BTRC: variants seen among roughly 807,000 people sequenced by gnomAD.
BTRC encodes beta-transducin repeat containing E3 ubiquitin protein ligase, also known as F-box/WD repeat-containing protein 1A.
Under a neutral mutation model 85.5 loss-of-function variants are expected in BTRC, and 42 were observed. The ratio of observed to expected loss-of-function variants is 0.49; its 90% CI spans 0.38 to 0.64. BTRC has a LOEUF of 0.64. BTRC is among the 30% of genes least tolerant of loss of function. BTRC has a pLI of 0.00. For synonymous variants in BTRC, 255 were observed against 263.3 expected (o/e 0.97, Z 0.30); for missense variants, 594 against 743.5 (o/e 0.80, Z 2.34).
intron 1 of BTRC, among the ~76,000 whole-genome samples, chr10:101,401,722 T>C (rs1943495489): frequency 6.6e-6 from 1 of 151,482 alleles, no homozygotes; most frequent in Admixed American, 6.6e-5. Context: ...CGTGTAATCC[T>C]GGCACTTTCT....
chr10:101,481,316 C>A (rs1379237670), intron 4 of BTRC, among the ~76,000 whole-genome samples: 1 of 151,082 alleles, frequency 6.6e-6, no homozygotes, highest in Non-Finnish European at 1.5e-5. Flanking sequence ...TAAAAATATT[C>A]TTTCTTTCTT....
intron 3 of BTRC, among the ~76,000 whole-genome samples, chr10:101,466,375 G>A (rs987897301): frequency 6.6e-6 from 1 of 152,136 alleles, no homozygotes; most frequent in African/African-American, 2.4e-5. Flanking sequence ...CTGGAACCCT[G>A]GGGATGCAAA....
intron 2 of BTRC, among the ~76,000 whole-genome samples, chr10:101,459,755 T>C (rs1945173816): frequency 6.6e-6 from 1 of 152,186 alleles, no homozygotes; most frequent in Non-Finnish European, 1.5e-5. Context: ...GACATTTTCA[T>C]AATACCCACC....
intron 1 of BTRC, among the ~76,000 whole-genome samples, chr10:101,414,338 A>G (rs1371743068): frequency 6.6e-6 from 1 of 152,228 alleles, no homozygotes; most frequent in Admixed American, 6.5e-5. Flanking sequence ...AGCCAATGTA[A>G]CGTCATATAA....
At position 101,531,277 on chromosome 10, in the gene BTRC, G is replaced by C. The variant is rs1191111549; in HGVS notation, c.784G>C (p.Ala262Pro). The C allele has an allele frequency of 1.9e-6, 3 of 1,610,612 alleles. No homozygotes were observed. The highest frequency in any genetic ancestry group is 2.5e-6 in the Non-Finnish European group (3 of 1,176,974). The change falls in exon 7 of 15, where the codon GCT becomes CCT. Residue 262 changes from alanine (A) to proline (P), a missense_variant. Physicochemically the swap from Ala to Pro is conservative, Grantham distance 27. Around this residue, in one of 4 missense-constraint regions of BTRC, gnomAD observed 373 missense variants for 503.6 expected, o/e 0.74. Transcript: ENST00000370187. The part of the protein sequence containing the change: ...LFKNKPPDGN[A>P]PPNSFYRALY... The stretch of plus-strand genomic sequence containing the variant: ...CAAAAACAAACCTCCTGACGGGAAT[G>C]CTCCTCCCAACTCTTTTTATAGAGC...
chr10:101,497,660 C>A (rs1047042532), intron 4 of BTRC, among the ~76,000 whole-genome samples: 4 of 152,140 alleles, frequency 2.6e-5, no homozygotes, highest in African/African-American at 9.7e-5. Flanking sequence ...GAACCGTGAT[C>A]ATGCCACTGC....
chr10:101,360,757 C>T (rs1942183400), intron 1 of BTRC, among the ~76,000 whole-genome samples: 1 of 152,100 alleles, frequency 6.6e-6, no homozygotes, highest in Admixed American at 6.6e-5. Context: ...TCGGCCTCTC[C>T]AGTAGCTGGG....
intron 4 of BTRC, among the ~76,000 whole-genome samples, chr10:101,512,786 C>T (rs1008974251): frequency 1.3e-5 from 2 of 152,194 alleles, no homozygotes; most frequent in Non-Finnish European, 2.9e-5. Flanking sequence ...ATACTTAACT[C>T]CTTTCATTTT....
intron 3 of BTRC, among the ~76,000 whole-genome samples, chr10:101,467,045 C>T (rs189081056): frequency 1.2e-4 from 18 of 152,140 alleles, no homozygotes; most frequent in Non-Finnish European, 2.4e-4. Flanking sequence ...AACAAAACAA[C>T]CACAACAACA....
At chr10:101,484,378 C>T (rs924344942) in intron 4 of BTRC, among the ~76,000 whole-genome samples, 3 of 152,232 alleles carry the variant, frequency 2.0e-5, no homozygotes, top group Non-Finnish European at 4.4e-5. Context: ...AGTCCCTTTT[C>T]TCATAACTGA....
intron 2 of BTRC, among the ~76,000 whole-genome samples, chr10:101,460,983 A>T (rs979110648): frequency 1.3e-5 from 2 of 151,182 alleles, no homozygotes; most frequent in East Asian, 3.9e-4. Flanking sequence ...GCTCACTGCA[A>T]CCTCGGCCTC....
chr10:101,476,839 T>C (rs1945702353), intron 3 of BTRC, among the ~76,000 whole-genome samples: 1 of 152,202 alleles, frequency 6.6e-6, no homozygotes, highest in Non-Finnish European at 1.5e-5. Context: ...TGTCTTAAGA[T>C]TTTTCTTCTT....
At chr10:101,439,669 G>A (rs562232414) in intron 2 of BTRC, among the ~76,000 whole-genome samples, 16 of 152,350 alleles carry the variant, frequency 1.1e-4, no homozygotes, top group African/African-American at 3.6e-4. Flanking sequence ...AAAAGGGACA[G>A]TGTTAAAGAG....
chr10:101,461,222 T>C lies in BTRC; in HGVS notation c.157-759T>C, dbSNP rs117342345. 3.3e-5 allele frequency among the ~76,000 whole-genome samples: 5 copies of C among 152,250 alleles called. No individual in the cohort carries two copies. The East Asian group carries it at 9.7e-4, about 29-fold the overall frequency. On this transcript the variant is annotated intron_variant, in intron 2 of 14. Transcript: ENST00000370187. Reference sequence around the variant, plus strand: ...TAGCACAACTGCAGGGTTTTAAATATTAATGTTATTAATGTTACTAATGTT... The same window carrying C: ...TAGCACAACTGCAGGGTTTTAAATACTAATGTTATTAATGTTACTAATGTT...
At position 101,550,845 on chromosome 10, in the gene BTRC, C is replaced by T; in HGVS notation, c.1803C>T (p.Thr601=). 1.9e-6 allele frequency: 3 copies of T among 1,613,782 alleles called. No individual in the cohort carries two copies. The highest frequency in any genetic ancestry group is 2.5e-6 in the Non-Finnish European group (3 of 1,179,736). ...EPPRSPSRTY[T]YISR ...CCCGTTCCCCTTCTCGAACATACAC[C>T]TACATCTCCAGATAAATAACCATAC... is the stretch of plus-strand genomic sequence containing the variant. The change falls in exon 14 of 15, where the codon ACC becomes ACT. Residue 601 remains threonine, a synonymous_variant. Transcript: ENST00000370187.
intron 4 of BTRC, among the ~76,000 whole-genome samples, chr10:101,520,871 C>T (rs762365415): frequency 1.3e-5 from 2 of 152,102 alleles, no homozygotes; most frequent in African/African-American, 2.4e-5. Context: ...GCAGGAGAAT[C>T]GCTTGATTCT....
intron 1 of BTRC, among the ~76,000 whole-genome samples, chr10:101,381,675 AATT>A (rs890067698): frequency 4.6e-5 from 7 of 152,258 alleles, no homozygotes; most frequent in African/African-American, 1.7e-4. Context: ...TCCTCAGAAA[AATT>A]ATGAGAAACA....
chr10:101,397,189 A>G (rs1390918417), intron 1 of BTRC, among the ~76,000 whole-genome samples: 2 of 152,230 alleles, frequency 1.3e-5, no homozygotes, highest in Non-Finnish European at 1.5e-5. Flanking sequence ...TAGTGGGGAA[A>G]TCCAGTATCC....
intron 1 of BTRC, among the ~76,000 whole-genome samples, chr10:101,423,106 G>T (rs1400929095): frequency 1.3e-5 from 2 of 151,922 alleles, no homozygotes; most frequent in Admixed American, 6.6e-5. Context: ...TAGAGATGGG[G>T]TCTAGTTATG....
Sources: allele counts gnomAD v4.1 joint callset (sites outside exome capture counted in the v4.1 genomes callset), GRCh38; gene constraint gnomAD v4.1.1; regional missense constraint gnomAD v4.1.1; transcripts MANE v1.5; gene names NCBI Gene and HGNC (gene_info 2026-07-23, HGNC 2026-07-21).